RHOU: variants seen among roughly 807,000 people sequenced by gnomAD.
RHOU encodes the protein ras homolog family member U.
RHOU carries 8 observed loss-of-function variants against 12.6 expected under a neutral mutation model. The observed-to-expected ratio is 0.64, with a 90% CI of 0.37 to 1.15. RHOU has a LOEUF of 1.15. Among genes scored for constraint, RHOU ranks in the 50% most tolerant of loss-of-function variants. RHOU has a pLI of 0.01. For missense variants in RHOU, 258 were observed against 347.0 expected (o/e 0.74, Z 2.04); for synonymous variants, 161 against 147.4 (o/e 1.09, Z -0.67).
rs538844682 is a variant in RHOU at position 228,745,979 on chromosome 1, A to G, written c.*2239A>G. ...CTTCCACACCTCCTGCCTTTAGGCC[A>G]TGGGTGGAAAGTGCTCAGTGAAGTA... On this transcript the variant is annotated 3_prime_UTR_variant, in exon 3 of 3. Transcript: ENST00000366691. The G allele has an allele frequency of 2.0e-5, 3 of 152,370 alleles. No individual in the cohort carries two copies. Among genetic ancestry groups the G allele is most frequent in the East Asian group, 3.9e-4 (2 of 5,190 alleles). 9.4% of individuals were successfully genotyped at this position (152,370 alleles called of 1,614,324 possible). A position where few individuals can be genotyped will look rare whatever the true frequency, so the allele number is the denominator to read the frequency against.
chr1:228,657,042 G>A, the RHOU span, among the ~76,000 whole-genome samples: 8 of 151,980 alleles, frequency 5.3e-5, no homozygotes, highest in Admixed American at 6.6e-5. Flanking sequence ...TTGGGAAGCC[G>A]AGGCAGGTGG....
the RHOU span, among the ~76,000 whole-genome samples, chr1:228,676,140 C>T: frequency 4.6e-3 from 663 of 145,676 alleles, 7 homozygotes; most frequent in African/African-American, 0.015. Flanking sequence ...CGCCCCCCCC[C>T]TTTTTTTTTT....
the RHOU span, among the ~76,000 whole-genome samples, chr1:228,677,869 G>A: frequency 5.5e-4 from 83 of 152,224 alleles, no homozygotes; most frequent in African/African-American, 2.0e-3. Context: ...AGGCAGGCCC[G>A]TTATTGGACT....
chr1:228,744,009 A>G lies in RHOU; in HGVS notation c.*269A>G, dbSNP rs939264745. 5 of 362,432 alleles carry G rather than the reference A, an allele frequency of 1.4e-5. No individual in the cohort carries two copies. Among genetic ancestry groups the G allele is most frequent in the South Asian group, 3.8e-5 (1 of 26,520 alleles). 22.5% of individuals were successfully genotyped at this position (362,432 alleles called of 1,614,324 possible). Reference sequence around the variant, plus strand: ...AATTTAGAGTTCTAGACCTCTGGTTAATTTATATCTAATATGAAGAAGACA... The same window carrying G: ...AATTTAGAGTTCTAGACCTCTGGTTGATTTATATCTAATATGAAGAAGACA... On this transcript the variant is annotated 3_prime_UTR_variant, in exon 3 of 3. Transcript: ENST00000366691.
the RHOU span, among the ~76,000 whole-genome samples, chr1:228,689,060 C>T: frequency 5.9e-5 from 9 of 152,180 alleles, no homozygotes; most frequent in Admixed American, 3.3e-4. Context: ...CCTCCTTCTC[C>T]GCCTGAACAG....
chr1:228,657,191 C>G, the RHOU span, among the ~76,000 whole-genome samples: 2,312 of 145,732 alleles, frequency 0.016, 61 homozygotes, highest in African/African-American at 0.055. Context: ...GCAGGAGAAT[C>G]GCTTCAACCC....
chr1:228,683,182 C>T, the RHOU span, among the ~76,000 whole-genome samples: 2 of 151,328 alleles, frequency 1.3e-5, no homozygotes, highest in African/African-American at 4.9e-5. Context: ...GGTTCTGAGT[C>T]ACTGAAAACC....
chr1:228,660,332 A>G, the RHOU span, among the ~76,000 whole-genome samples: 1 of 151,762 alleles, frequency 6.6e-6, no homozygotes, highest in Non-Finnish European at 1.5e-5. Flanking sequence ...TCAGTAACCA[A>G]AAATCTCCTG....
chr1:228,731,708 A>T (rs1172409752), upstream of RHOU, among the ~76,000 whole-genome samples: 1 of 151,858 alleles, frequency 6.6e-6, no homozygotes, highest in Non-Finnish European at 1.5e-5. Flanking sequence ...TAGTTCGAGG[A>T]GAAGACACCT....
At chr1:228,713,569 C>G in the RHOU span, among the ~76,000 whole-genome samples, 1 of 152,064 alleles carries the variant, frequency 6.6e-6, no homozygotes, top group Non-Finnish European at 1.5e-5. Context: ...TGGCCTCAAG[C>G]AATCCTCCCA....
At chr1:228,647,460 C>T in the RHOU span, among the ~76,000 whole-genome samples, 1 of 152,204 alleles carries the variant, frequency 6.6e-6, no homozygotes, top group African/African-American at 2.4e-5. Context: ...TGCACAGGGA[C>T]TGTTTTCCTG....
chr1:228,650,768 CT>C, the RHOU span: 1 of 434,758 alleles, frequency 2.3e-6, no homozygotes. Context: ...AGTTGAAATC[CT>C]TTCCTCCCTC....
Position 228,744,556 on chromosome 1 carries a change from A to G in RHOU, c.*816A>G, listed in dbSNP as rs1571892738. 6.6e-6 allele frequency: 1 copy of G among 152,222 alleles called. No individual in the cohort carries two copies. Among genetic ancestry groups the G allele is most frequent in the East Asian group, 1.9e-4 (1 of 5,196 alleles). The allele number at this position is 152,222 out of a possible 1,614,324, so 9.4% of individuals were successfully genotyped here. A position where few individuals can be genotyped will look rare whatever the true frequency, so the allele number is the denominator to read the frequency against. On this transcript the variant is annotated 3_prime_UTR_variant, in exon 3 of 3. Coordinates refer to ENST00000366691, the MANE Select transcript of RHOU (RefSeq NM_021205.6). Reference sequence around the variant, plus strand: ...CTTTCGGTACTGTAATACGTGCACCAAACTGCCTCAATCCTAGGTAACGAG... The same window carrying G: ...CTTTCGGTACTGTAATACGTGCACCGAACTGCCTCAATCCTAGGTAACGAG...
At chr1:228,740,282 C>G (rs1014580298) in intron 2 of RHOU, among the ~76,000 whole-genome samples, 3 of 152,128 alleles carry the variant, frequency 2.0e-5, no homozygotes, top group African/African-American at 7.2e-5. Context: ...CTTCTGGCCT[C>G]TTAGCAATAT....
At chr1:228,651,643 C>T in the RHOU span, among the ~76,000 whole-genome samples, 1 of 152,202 alleles carries the variant, frequency 6.6e-6, no homozygotes, top group Non-Finnish European at 1.5e-5. Context: ...AGGGACTGCC[C>T]AGTCCTTGCA....
the RHOU span, among the ~76,000 whole-genome samples, chr1:228,647,561 C>A: frequency 2.0e-5 from 3 of 152,202 alleles, no homozygotes; most frequent in Non-Finnish European, 2.9e-5. Flanking sequence ...GTACCCGCTG[C>A]CCCTGCCCGC....
chr1:228,727,196 C>T, the RHOU span, among the ~76,000 whole-genome samples: 2 of 152,176 alleles, frequency 1.3e-5, no homozygotes, highest in African/African-American at 4.8e-5. Context: ...AAATCAAATT[C>T]CTTTAATGAT....
At chr1:228,728,404 A>G in the RHOU span, among the ~76,000 whole-genome samples, 10 of 152,228 alleles carry the variant, frequency 6.6e-5, no homozygotes, top group Non-Finnish European at 1.3e-4. Context: ...AAAATATTAA[A>G]ACACTTATAA....
the RHOU span, among the ~76,000 whole-genome samples, chr1:228,714,409 G>A: frequency 6.6e-6 from 1 of 152,140 alleles, no homozygotes; most frequent in Non-Finnish European, 1.5e-5. Flanking sequence ...TATCTTTGAA[G>A]TTTTGGTAGA....
Sources: allele counts gnomAD v4.1 joint callset (sites outside exome capture counted in the v4.1 genomes callset), GRCh38; gene constraint gnomAD v4.1.1; transcripts MANE v1.5; gene names NCBI Gene and HGNC (gene_info 2026-07-23, HGNC 2026-07-21).